DYNC2H1: variants seen among roughly 807,000 people sequenced by gnomAD.
The protein encoded by DYNC2H1 is cytoplasmic dynein 2 heavy chain 1.
DYNC2H1 carries 410 observed loss-of-function variants against 570.0 expected under a neutral mutation model. The observed-to-expected ratio is 0.72, with a 90% CI of 0.66 to 0.78. DYNC2H1 has a LOEUF of 0.78. Ranked by LOEUF, DYNC2H1 falls within the 30% of genes least tolerant of loss-of-function variation. DYNC2H1 has a pLI of 0.00. For missense variants in DYNC2H1, 4,865 were observed against 5,046.4 expected (o/e 0.96, Z 1.09); for synonymous variants, 1,688 against 1,677.6 (o/e 1.01, Z -0.15).
Position 103,303,176 on chromosome 11 carries a change from A to G in DYNC2H1, c.11179A>G (p.Ile3727Val). ...GGAAATTGAACCCATCTTGATAATT[A>G]TTTCTCCGGGTGCTGATCCTTCTCA... is the stretch of plus-strand genomic sequence containing the variant. ...TLEIEPILII[I>V]SPGADPSQEL... The change falls in exon 76 of 89, where the codon ATT becomes GTT. Residue 3727 changes from isoleucine to valine, a missense_variant. By Grantham distance (29) the Ile-to-Val change is conservative (BLOSUM62 3). Around this residue, in one of 5 missense-constraint regions of DYNC2H1, gnomAD observed 2,401 missense variants for 2,454.6 expected, o/e 0.98. Transcript: ENST00000375735. The G allele has an allele frequency of 6.2e-7, 1 of 1,612,648 alleles. No individual in the cohort carries two copies. The highest frequency in any genetic ancestry group is 1.3e-5 in the African/African-American group (1 of 74,984).
chr11:103,368,965 A>G (rs1591639353), intron 83 of DYNC2H1, among the ~76,000 whole-genome samples: 1 of 152,148 alleles, frequency 6.6e-6, no homozygotes, highest in East Asian at 1.9e-4. Context: ...AAGGATACCA[A>G]TTTAACTATC....
chr11:103,415,324 T>A (rs1375696544), intron 84 of DYNC2H1, among the ~76,000 whole-genome samples: 3 of 152,052 alleles, frequency 2.0e-5, no homozygotes. Flanking sequence ...ACAAATGAGA[T>A]CTAATTAAAC....
At chr11:103,146,931 G>A (rs1591314728) in intron 18 of DYNC2H1, among the ~76,000 whole-genome samples, 2 of 151,780 alleles carry the variant, frequency 1.3e-5, no homozygotes, top group South Asian at 2.1e-4. Flanking sequence ...CTATTTCATC[G>A]GTATTTTTCC....
At chr11:103,400,669 T>TTTA (rs397725032) in intron 84 of DYNC2H1, among the ~76,000 whole-genome samples, 1 of 151,824 alleles carries the variant, frequency 6.6e-6, no homozygotes, top group Non-Finnish European at 1.5e-5. Context: ...TTTTTTTTTT[T>TTTA]CACGCCCCCT....
intron 1 of DYNC2H1, 149 bp downstream of exon 1, chr11:103,109,918 C>A: frequency 1.2e-6 from 1 of 825,868 alleles, no homozygotes; most frequent in Non-Finnish European, 1.8e-6. Flanking sequence ...GCATTATTGG[C>A]TTAGATGCGT....
intron 84 of DYNC2H1, among the ~76,000 whole-genome samples, chr11:103,420,881 T>G (rs900477373): frequency 2.0e-5 from 3 of 152,242 alleles, no homozygotes; most frequent in African/African-American, 7.2e-5. Context: ...ATAACAGTAC[T>G]AATCTTAAAA....
intron 34 of DYNC2H1, 82 bp from the exon 35 acceptor site, chr11:103,173,000 T>G: frequency 1.4e-6 from 1 of 716,166 alleles, no homozygotes; most frequent in Non-Finnish European, 1.9e-6. Context: ...GTTTATAGTT[T>G]CAAATATAAA....
At chr11:103,316,500 T>G in intron 79 of DYNC2H1, 45 bp from the exon 80 acceptor site, 1 of 1,335,438 alleles carries the variant, frequency 7.5e-7, no homozygotes, top group African/African-American at 1.5e-5. Context: ...TATATATCTT[T>G]GACTACTGCT....
intron 83 of DYNC2H1, among the ~76,000 whole-genome samples, chr11:103,382,107 C>T (rs1336023779): frequency 9.5e-6 from 1 of 104,830 alleles, no homozygotes; most frequent in Non-Finnish European, 2.2e-5. Context: ...AGCTACCACC[C>T]AGCAATTTTT....
intron 54 of DYNC2H1, among the ~76,000 whole-genome samples, chr11:103,213,168 T>G (rs1025940456): frequency 6.6e-6 from 1 of 152,114 alleles, no homozygotes; most frequent in Non-Finnish European, 1.5e-5. Context: ...CTACTCAAAA[T>G]GCAGGTAAGG....
At position 103,461,892 on chromosome 11, in the gene DYNC2H1, A is replaced by C. The variant is rs1945026582; in HGVS notation, c.12648+5536A>C. Reference sequence around the variant, plus strand: ...TAAAACACATTTCAGACATCATTTTATTTTACCCCTCTATGGTTCTGAATG... The same window carrying C: ...TAAAACACATTTCAGACATCATTTTCTTTTACCCCTCTATGGTTCTGAATG... On this transcript the variant is annotated intron_variant, in intron 87 of 88. Coordinates refer to ENST00000375735, the MANE Select transcript of DYNC2H1 (RefSeq NM_001377.3). The surrounding 1 kb of genome is among the most constrained non-coding windows in gnomAD (Gnocchi z 4.8). Among the ~76,000 whole-genome samples the C allele has an allele frequency of 6.6e-6, 1 of 152,086 alleles. No homozygotes were observed. The highest frequency in any genetic ancestry group is 2.4e-5 in the African/African-American group (1 of 41,510).
intron 28 of DYNC2H1, among the ~76,000 whole-genome samples, chr11:103,159,973 A>C (rs1009422478): frequency 1.4e-4 from 21 of 152,222 alleles, no homozygotes; most frequent in African/African-American, 5.1e-4. Context: ...ATGGTCCATT[A>C]GACTTAAAAT....
intron 70 of DYNC2H1, among the ~76,000 whole-genome samples, chr11:103,273,306 C>A (rs1355220103): frequency 6.6e-6 from 1 of 152,046 alleles, no homozygotes; most frequent in Non-Finnish European, 1.5e-5. Context: ...CCTCCCACCT[C>A]AGCCTCCCAA....
chr11:103,266,435 G>A (rs534160873), intron 70 of DYNC2H1, among the ~76,000 whole-genome samples: 2 of 151,972 alleles, frequency 1.3e-5, no homozygotes, highest in African/African-American at 2.4e-5. Flanking sequence ...TCAGGTCTGG[G>A]GAGCATCTTC....
chr11:103,142,080 G>T (rs1344567379), intron 17 of DYNC2H1, among the ~76,000 whole-genome samples: 1 of 152,198 alleles, frequency 6.6e-6, no homozygotes, highest in African/African-American at 2.4e-5. Context: ...TATTAGGGTG[G>T]GATTGACCCG....
chr11:103,109,850 T>C (rs1565304848), intron 1 of DYNC2H1, 81 bp downstream of exon 1: 4 of 1,411,110 alleles, frequency 2.8e-6, no homozygotes, highest in African/African-American at 1.4e-5. Flanking sequence ...CGGGTCACAC[T>C]CTTTAGCTTT....
At position 103,468,626 on chromosome 11, in the gene DYNC2H1, G is replaced by A; in HGVS notation, c.12686G>A (p.Gly4229Glu). ...TTACTAGAAGGATGTAGTTTTGATG[G>A]AAATCAACTTTCTGAAAATCAGCTT... is the stretch of plus-strand genomic sequence containing the variant. ...GLLLEGCSFDGNQLSENQLDS... is the reference protein window; with the variant it reads ...GLLLEGCSFDENQLSENQLDS... Residue 4229 changes from glycine to glutamate, a missense_variant, in exon 88 of 89, where the codon GGA becomes GAA. By Grantham distance (98) the Gly-to-Glu change is moderately conservative. Transcript: ENST00000375735. The A allele has an allele frequency of 6.2e-7, 1 of 1,613,612 alleles. No individual in the cohort carries two copies. The highest frequency in any genetic ancestry group is 8.5e-7 in the Non-Finnish European group (1 of 1,179,674).
intron 83 of DYNC2H1, among the ~76,000 whole-genome samples, chr11:103,390,071 G>T (rs374828789): frequency 1.4e-4 from 22 of 152,100 alleles, no homozygotes; most frequent in East Asian, 1.2e-3. Context: ...TCTGTCTTGT[G>T]GATCTGTCTA....
intron 82 of DYNC2H1, among the ~76,000 whole-genome samples, chr11:103,336,079 T>C (rs377195978): frequency 1.3e-4 from 20 of 152,186 alleles, no homozygotes; most frequent in African/African-American, 4.3e-4. Flanking sequence ...CCACATAACC[T>C]TCTTATATGG....
Sources: allele counts gnomAD v4.1 joint callset (sites outside exome capture counted in the v4.1 genomes callset), GRCh38; gene constraint gnomAD v4.1.1; regional missense constraint gnomAD v4.1.1; non-coding constraint Gnocchi (gnomAD v3.1); transcripts MANE v1.5; gene names NCBI Gene and HGNC (gene_info 2026-07-23, HGNC 2026-07-21).